Variants in BBX observed in about 807,000 individuals in gnomAD.
BBX encodes HMG box transcription factor BBX.
In BBX, 30 loss-of-function variants were observed where a neutral mutation model predicts 100.2. The ratio of observed to expected loss-of-function variants is 0.30; its 90% CI spans 0.22 to 0.41. The LOEUF is 0.41. Ranked by LOEUF, BBX falls within the 10% of genes least tolerant of loss-of-function variation. The pLI is 1.00. For missense variants in BBX, 1,023 were observed against 1,129.8 expected, an observed-to-expected ratio of 0.91 and a Z score of 1.35; for synonymous variants, 376 against 388.1, an observed-to-expected ratio of 0.97 and a Z score of 0.37.
intron 3 of BBX, among the ~76,000 whole-genome samples, chr3:107,663,624 ATAC>A (rs1228777919): frequency 6.6e-6 from 1 of 152,104 alleles, no homozygotes; most frequent in Non-Finnish European, 1.5e-5. Context: ...TAAATAATAC[ATAC>A]TACATGTTTT....
intron 2 of BBX, among the ~76,000 whole-genome samples, chr3:107,562,892 A>AT (rs1174606275): frequency 6.6e-6 from 1 of 152,208 alleles, no homozygotes; most frequent in Non-Finnish European, 1.5e-5. Flanking sequence ...GAGATGATCT[A>AT]TTTTTACCAA....
chr3:107,653,950 TACCCTCCTGTCC>T (rs1305673145), intron 3 of BBX, among the ~76,000 whole-genome samples: 1 of 152,188 alleles, frequency 6.6e-6, no homozygotes, highest in Non-Finnish European at 1.5e-5. Flanking sequence ...GAGTAGTATA[TACCCTCCTGTCC>T]ATGCAGGTAG....
Position 107,798,456 on chromosome 3 carries a change from C to T in BBX, c.2354-67C>T, listed in dbSNP as rs992167743. On this transcript the variant is annotated intron_variant, in intron 15 of 17. Coordinates refer to ENST00000325805, the MANE Select transcript of BBX (RefSeq NM_001142568.3). Reference sequence around the variant, plus strand: ...ACGGGTCAGAAATTTAGACATGTTTCCTTCTAAGAGCAATTTTGGTGCCTT... The same window carrying T: ...ACGGGTCAGAAATTTAGACATGTTTTCTTCTAAGAGCAATTTTGGTGCCTT... The T allele has an allele frequency of 6.9e-6, 10 of 1,451,468 alleles. 1 individual carries two copies. Among genetic ancestry groups the T allele is most frequent in the Middle Eastern group, 1.7e-4 (1 of 5,750 alleles). 89.9% of individuals were successfully genotyped at this position (1,451,468 alleles called of 1,614,324 possible). A position where few individuals can be genotyped will look rare whatever the true frequency, so the allele number is the denominator to read the frequency against.
chr3:107,597,317 A>C (rs2053730305), intron 2 of BBX, among the ~76,000 whole-genome samples: 1 of 152,196 alleles, frequency 6.6e-6, no homozygotes, highest in African/African-American at 2.4e-5. Context: ...TAAAAAAGTT[A>C]ATTTTCTGTG....
chr3:107,733,064 G>T, intron 7 of BBX, 41 bp downstream of exon 7: 1 of 1,559,806 alleles, frequency 6.4e-7, no homozygotes, highest in African/African-American at 1.4e-5. Context: ...CTCATACTGT[G>T]GGTTGGGAAC....
At chr3:107,546,408 C>CT (rs1235414351) in intron 2 of BBX, among the ~76,000 whole-genome samples, 1 of 152,130 alleles carries the variant, frequency 6.6e-6, no homozygotes, top group East Asian at 1.9e-4. Flanking sequence ...TATTTACTTA[C>CT]TTTTTGTGAC....
At chr3:107,724,559 T>C (rs1288751205) in intron 5 of BBX, among the ~76,000 whole-genome samples, 1 of 152,258 alleles carries the variant, frequency 6.6e-6, no homozygotes, top group East Asian at 1.9e-4. Flanking sequence ...TGTAAGTCTT[T>C]AATCCATCTT....
intron 9 of BBX, among the ~76,000 whole-genome samples, chr3:107,751,349 G>A (rs73850157): frequency 0.018 from 2,691 of 152,100 alleles, 73 homozygotes; most frequent in African/African-American, 0.061. Flanking sequence ...AAGATCAGGC[G>A]TGCAAAATTC....
At chr3:107,778,582 C>A in intron 13 of BBX, 63 bp downstream of exon 13, 1 of 1,541,762 alleles carries the variant, frequency 6.5e-7, no homozygotes. Context: ...TTCAGCCAAG[C>A]TTTTAGCTCC....
chr3:107,727,100 C>A (rs561990852), intron 5 of BBX, among the ~76,000 whole-genome samples: 11 of 149,676 alleles, frequency 7.3e-5, no homozygotes, highest in Non-Finnish European at 1.5e-4. Context: ...CTACCCCCCC[C>A]AAAAAAAATA....
chr3:107,529,697 C>G (rs567165877), intron 2 of BBX, among the ~76,000 whole-genome samples: 1 of 152,178 alleles, frequency 6.6e-6, no homozygotes, highest in African/African-American at 2.4e-5. Flanking sequence ...ATTACAACTT[C>G]GCTCAATGTT....
At chr3:107,711,875 CCTTT>C (rs1345847704) in intron 4 of BBX, among the ~76,000 whole-genome samples, 2 of 152,014 alleles carry the variant, frequency 1.3e-5, no homozygotes, top group East Asian at 1.9e-4. Flanking sequence ...TTCTATTTAT[CCTTT>C]CTTTTTTTTT....
chr3:107,642,628 T>G (rs2057285897), intron 2 of BBX, among the ~76,000 whole-genome samples: 1 of 152,166 alleles, frequency 6.6e-6, no homozygotes, highest in East Asian at 1.9e-4. Context: ...AAAATTTGCT[T>G]TTTCATTCCC....
intron 2 of BBX, among the ~76,000 whole-genome samples, chr3:107,548,749 C>CA (rs1412180857): frequency 2.0e-5 from 3 of 152,128 alleles, no homozygotes; most frequent in Non-Finnish European, 2.9e-5. Context: ...AGGTGCCCAT[C>CA]AACAGTGGAT....
intron 3 of BBX, among the ~76,000 whole-genome samples, chr3:107,694,393 T>C (rs1172025037): frequency 1.4e-5 from 2 of 144,226 alleles, no homozygotes; most frequent in Non-Finnish European, 3.0e-5. Context: ...TATTGAGAGT[T>C]TTTAGCATGA....
intron 2 of BBX, among the ~76,000 whole-genome samples, chr3:107,615,171 A>C (rs2055155256): frequency 6.6e-6 from 1 of 152,138 alleles, no homozygotes; most frequent in South Asian, 2.1e-4. Context: ...TGTGTTGAGG[A>C]TGGGAAGAAG....
chr3:107,643,997 A>T (rs556558732), intron 2 of BBX, among the ~76,000 whole-genome samples: 1 of 152,150 alleles, frequency 6.6e-6, no homozygotes, highest in Non-Finnish European at 1.5e-5. Context: ...AAAAACCCAT[A>T]TTGGGCAAAG....
chr3:107,750,346 A>G (rs567573127), intron 9 of BBX, among the ~76,000 whole-genome samples: 2 of 152,316 alleles, frequency 1.3e-5, no homozygotes, highest in South Asian at 2.1e-4. Context: ...GTTTCAAAAT[A>G]TAGGAAGGCA....
At chr3:107,734,769 G>A (rs1428602912) in intron 7 of BBX, among the ~76,000 whole-genome samples, 1 of 151,786 alleles carries the variant, frequency 6.6e-6, no homozygotes, top group Non-Finnish European at 1.5e-5. Flanking sequence ...TCCCCTTTTT[G>A]CTTAAAGTTT....
Sources: gnomAD v4.1 joint callset for allele counts (sites outside exome capture counted in the v4.1 genomes callset) on GRCh38, gnomAD v4.1.1 for gene constraint, MANE v1.5 for transcripts, NCBI Gene and HGNC (gene_info 2026-07-23, HGNC 2026-07-21) for gene names.